The following DLG2 variants were observed in gnomAD, a reference collection of about 807,000 sequenced individuals.
DLG2 encodes discs large MAGUK scaffold protein 2.
Under a neutral mutation model 132.5 loss-of-function variants are expected in DLG2, and 45 were observed. The observed-to-expected ratio is 0.34, with a 90% confidence interval of 0.27 to 0.44. DLG2 has a LOEUF of 0.44. Among genes scored for constraint, DLG2 ranks in the 20% least tolerant of loss-of-function variants. The pLI is 1.00. For missense variants in DLG2, 1,045 were observed against 1,196.9 expected, an observed-to-expected ratio of 0.87 and a Z score of 1.87; for synonymous variants, 424 against 419.6, an observed-to-expected ratio of 1.01 and a Z score of -0.13.
chr11:85,374,382 T>C (rs950465115), intron 3 of DLG2, among the ~76,000 whole-genome samples: 28 of 152,196 alleles, frequency 1.8e-4, no homozygotes, highest in African/African-American at 6.5e-4. Context: ...TTGAATGTGA[T>C]CAAAGCTTTA....
intron 7 of DLG2, among the ~76,000 whole-genome samples, chr11:84,287,674 C>G (rs1476829786): frequency 1.3e-5 from 2 of 151,596 alleles, no homozygotes; most frequent in African/African-American, 2.4e-5. Flanking sequence ...CCCTCCATCT[C>G]TCCTTTCTTC....
chr11:83,644,239 G>A (rs1041672126), intron 18 of DLG2, among the ~76,000 whole-genome samples: 2 of 152,156 alleles, frequency 1.3e-5, no homozygotes, highest in African/African-American at 2.4e-5. Flanking sequence ...CCTGACATAT[G>A]TCTAACTGAT....
chr11:84,225,070 G>C (rs1259763567), intron 8 of DLG2, among the ~76,000 whole-genome samples: 1 of 152,042 alleles, frequency 6.6e-6, no homozygotes, highest in East Asian at 1.9e-4. Context: ...AAGTTTTGTT[G>C]GTCTGTTTAC....
chr11:85,019,287 T>G (rs2509054), intron 6 of DLG2, among the ~76,000 whole-genome samples: 22,859 of 151,808 alleles, frequency 0.15, 1,854 homozygotes, highest in South Asian at 0.28. Context: ...TCAAAGGAAG[T>G]GAAAATGGGA....
At chr11:84,446,792 C>T (rs920462176) in intron 7 of DLG2, among the ~76,000 whole-genome samples, 5 of 152,168 alleles carry the variant, frequency 3.3e-5, no homozygotes, top group African/African-American at 9.6e-5. Flanking sequence ...GTGATCCTAA[C>T]GTCAAGTGTC....
chr11:84,918,806 A>G (rs2092620456), intron 6 of DLG2, among the ~76,000 whole-genome samples: 1 of 152,124 alleles, frequency 6.6e-6, no homozygotes, highest in Admixed American at 6.5e-5. Context: ...CTTTCTCTCA[A>G]AATAATTTAA....
At chr11:84,335,595 C>T (rs1301751903) in intron 7 of DLG2, among the ~76,000 whole-genome samples, 2 of 152,126 alleles carry the variant, frequency 1.3e-5, no homozygotes, top group Non-Finnish European at 2.9e-5. Context: ...GTCATTACTA[C>T]CTACACTGCT....
At chr11:84,231,097 G>C (rs1479886105) in intron 8 of DLG2, among the ~76,000 whole-genome samples, 2 of 152,186 alleles carry the variant, frequency 1.3e-5, no homozygotes, top group Non-Finnish European at 2.9e-5. Context: ...TGGATGAATT[G>C]ATTCTTCTGG....
At chr11:84,804,762 T>C (rs1011733449) in intron 6 of DLG2, among the ~76,000 whole-genome samples, 6 of 152,184 alleles carry the variant, frequency 3.9e-5, no homozygotes, top group African/African-American at 1.4e-4. Context: ...TCTGTGACCC[T>C]AACCCCACCC....
chr11:84,251,229 G>A lies in DLG2; in HGVS notation c.573+9C>T. 6.4e-7 allele frequency: 1 copy of A among 1,560,916 alleles called. No homozygotes were observed. The highest frequency in any genetic ancestry group is 8.7e-7 in the Non-Finnish European group (1 of 1,152,430). ...TTTAAAAGAAGGTAGTAATGAAAAA[G>A]TTACTTACATAAGGAATTGTGTCCA... is the stretch of plus-strand genomic sequence containing the variant. On this transcript the variant is annotated intron_variant, in intron 8 of 27. Coordinates refer to ENST00000376104, the MANE Select transcript of DLG2 (RefSeq NM_001142699.3).
chr11:84,454,229 AAAGG>A (rs1302492141), intron 7 of DLG2, among the ~76,000 whole-genome samples: 1 of 151,530 alleles, frequency 6.6e-6, no homozygotes, highest in Non-Finnish European at 1.5e-5. Flanking sequence ...GATAAGGTAC[AAAGG>A]AAGGAGGAAG....
At chr11:84,210,949 C>T (rs1310202312) in intron 8 of DLG2, among the ~76,000 whole-genome samples, 1 of 152,162 alleles carries the variant, frequency 6.6e-6, no homozygotes, top group Non-Finnish European at 1.5e-5. Flanking sequence ...GCAATCTGTA[C>T]ACTTTAAGAT....
rs1011545792 is a variant in DLG2 at position 83,671,933 on chromosome 11, C to T, written c.1826-38608G>A. Among the ~76,000 whole-genome samples, 57 of 152,244 alleles carry T rather than the reference C, an allele frequency of 3.7e-4. 1 individual carries two copies. Among genetic ancestry groups the T allele is most frequent in the African/African-American group, 1.3e-3 (55 of 41,540 alleles). Reference sequence around the variant, plus strand: ...AATTGAAATACACAAATGTTCATTGCTTACAATTTGTTACTTTTAAGTGTT... The same window carrying T: ...AATTGAAATACACAAATGTTCATTGTTTACAATTTGTTACTTTTAAGTGTT... On this transcript the variant is annotated intron_variant, in intron 18 of 27. Coordinates refer to ENST00000376104, the MANE Select transcript of DLG2 (RefSeq NM_001142699.3).
chr11:83,642,181 C>T (rs981218397), intron 18 of DLG2, among the ~76,000 whole-genome samples: 11 of 152,240 alleles, frequency 7.2e-5, no homozygotes, highest in South Asian at 2.1e-4. Context: ...CCTGGCATAG[C>T]GTGTGGCACA....
At chr11:84,826,863 T>C (rs558113838) in intron 6 of DLG2, among the ~76,000 whole-genome samples, 1 of 151,980 alleles carries the variant, frequency 6.6e-6, no homozygotes, top group South Asian at 2.1e-4. Context: ...ATTTTTCTAA[T>C]TACTTCTTCA....
At chr11:85,434,531 G>T (rs1341820680) in intron 3 of DLG2, among the ~76,000 whole-genome samples, 2 of 152,096 alleles carry the variant, frequency 1.3e-5, no homozygotes, top group Non-Finnish European at 2.9e-5. Context: ...TACCATCAGA[G>T]AATACTATAA....
chr11:84,350,423 T>C (rs541260938), intron 7 of DLG2, among the ~76,000 whole-genome samples: 3 of 152,280 alleles, frequency 2.0e-5, no homozygotes, highest in East Asian at 1.9e-4. Context: ...GCATAGAGCT[T>C]TGAGGCCTTA....
intron 6 of DLG2, among the ~76,000 whole-genome samples, chr11:84,572,541 C>G (rs1401234271): frequency 6.6e-6 from 1 of 152,094 alleles, no homozygotes. Flanking sequence ...CCAAGCCTGG[C>G]CTAGGTAAGC....
intron 4 of DLG2, among the ~76,000 whole-genome samples, chr11:85,182,743 A>G (rs1486422769): frequency 6.6e-6 from 1 of 151,316 alleles, no homozygotes. Context: ...GCCACAAAAC[A>G]ACATTTAGGA....
Sources: gnomAD v4.1 joint callset for allele counts (sites outside exome capture counted in the v4.1 genomes callset) on GRCh38, gnomAD v4.1.1 for gene constraint, MANE v1.5 for transcripts, NCBI Gene and HGNC (gene_info 2026-07-23, HGNC 2026-07-21) for gene names.